The following KIF26B variants were observed in gnomAD, a reference collection of about 807,000 sequenced individuals.
KIF26B encodes the protein kinesin family member 26B.
In KIF26B, 63 loss-of-function variants were observed where a neutral mutation model predicts 151.2. The ratio of observed to expected loss-of-function variants is 0.42; its 90% confidence interval spans 0.34 to 0.51. KIF26B has a LOEUF of 0.51. KIF26B is among the 20% of genes least tolerant of loss of function. The pLI is 0.07. For missense variants in KIF26B, 2,813 were observed against 2,913.6 expected (o/e 0.97, Z 0.79); for synonymous variants, 1,357 against 1,262.1 (o/e 1.08, Z -1.59).
At chr1:245,332,464 A>G (rs1558392036) in intron 2 of KIF26B, among the ~76,000 whole-genome samples, 1 of 152,232 alleles carries the variant, frequency 6.6e-6, no homozygotes, top group African/African-American at 2.4e-5. Context: ...GAATGCCAGA[A>G]GTAAGCACTT....
intron 4 of KIF26B, among the ~76,000 whole-genome samples, chr1:245,454,333 A>G (rs1276103649): frequency 6.6e-6 from 1 of 152,140 alleles, no homozygotes; most frequent in Non-Finnish European, 1.5e-5. Context: ...TCTAGTTTCT[A>G]TGTCTGAGCA....
At chr1:245,164,942 C>T (rs376915928) in intron 2 of KIF26B, among the ~76,000 whole-genome samples, 1 of 151,878 alleles carries the variant, frequency 6.6e-6, no homozygotes, top group African/African-American at 2.4e-5. Flanking sequence ...GCGTGGTGGC[C>T]CACACCTGTA....
chr1:245,264,979 C>G (rs757298509), intron 2 of KIF26B, among the ~76,000 whole-genome samples: 107 of 151,560 alleles, frequency 7.1e-4, no homozygotes, highest in Non-Finnish European at 8.7e-4. Context: ...GCGGGCAGAT[C>G]ACAAGGTCAG....
chr1:245,236,212 G>A (rs528900439), intron 2 of KIF26B, among the ~76,000 whole-genome samples: 1 of 152,292 alleles, frequency 6.6e-6, no homozygotes, highest in East Asian at 1.9e-4. Flanking sequence ...ACAGGCGTGA[G>A]TGAGCCTCTG....
At chr1:245,574,391 G>A (rs770328833) in intron 5 of KIF26B, among the ~76,000 whole-genome samples, 7 of 152,134 alleles carry the variant, frequency 4.6e-5, no homozygotes, top group Admixed American at 2.0e-4. Flanking sequence ...TGGTCTGCCC[G>A]CCTCGACCTC....
chr1:245,499,961 G>A (rs1285798430), intron 4 of KIF26B, among the ~76,000 whole-genome samples: 2 of 152,228 alleles, frequency 1.3e-5, no homozygotes, highest in Non-Finnish European at 2.9e-5. Context: ...CTGAGTGGAA[G>A]CGTTTCCTTC....
intron 2 of KIF26B, among the ~76,000 whole-genome samples, chr1:245,288,604 C>T (rs1024307638): frequency 2.0e-5 from 3 of 152,120 alleles, no homozygotes; most frequent in Non-Finnish European, 2.9e-5. Flanking sequence ...GTAGGACTCC[C>T]GGAGAGACAG....
intron 4 of KIF26B, among the ~76,000 whole-genome samples, chr1:245,464,019 A>G (rs773133066): frequency 6.6e-6 from 1 of 152,094 alleles, no homozygotes; most frequent in Non-Finnish European, 1.5e-5. Flanking sequence ...CCTCTGGAAA[A>G]CGTGCACAGA....
intron 2 of KIF26B, among the ~76,000 whole-genome samples, chr1:245,311,680 C>T (rs1671668381): frequency 6.6e-6 from 1 of 152,136 alleles, no homozygotes; most frequent in Non-Finnish European, 1.5e-5. Context: ...TGCCTGTAAT[C>T]CCAGCACTTT....
At chr1:245,265,982 AC>A (rs1409123851) in intron 2 of KIF26B, among the ~76,000 whole-genome samples, 1 of 152,170 alleles carries the variant, frequency 6.6e-6, no homozygotes, top group Non-Finnish European at 1.5e-5. Context: ...ACTGTATTAA[AC>A]AAAGAATATC....
chr1:245,479,267 A>G (rs1040484833), intron 4 of KIF26B, among the ~76,000 whole-genome samples: 3 of 151,882 alleles, frequency 2.0e-5, no homozygotes, highest in African/African-American at 7.2e-5. Flanking sequence ...AATCTTTTCT[A>G]TTTATTGAGT....
intron 4 of KIF26B, among the ~76,000 whole-genome samples, chr1:245,476,497 C>CATTTATTTATTT (rs57100568): frequency 1.3e-3 from 192 of 142,730 alleles, no homozygotes; most frequent in African/African-American, 4.8e-3. Flanking sequence ...TTAAAAGACA[C>CATTTATTTATTT]ATTTATTTAT....
intron 4 of KIF26B, among the ~76,000 whole-genome samples, chr1:245,423,399 A>G (rs1288650329): frequency 6.6e-6 from 1 of 151,908 alleles, no homozygotes; most frequent in Non-Finnish European, 1.5e-5. Flanking sequence ...TGGGAAATCC[A>G]TCCTCGTTTC....
chr1:245,366,638 T>C (rs1672960711), intron 2 of KIF26B, among the ~76,000 whole-genome samples, 196 bp from the exon 3 acceptor site: 2 of 152,202 alleles, frequency 1.3e-5, no homozygotes, highest in South Asian at 2.1e-4. Flanking sequence ...ACTATAAAAT[T>C]CTTACATTTG....
chr1:245,590,333 C>T (rs2043274914), intron 5 of KIF26B, among the ~76,000 whole-genome samples: 1 of 152,304 alleles, frequency 6.6e-6, no homozygotes, highest in South Asian at 2.1e-4. Flanking sequence ...ACGGCCAACG[C>T]GGAAATGGGC....
intron 4 of KIF26B, among the ~76,000 whole-genome samples, chr1:245,446,448 G>T (rs923506133): frequency 9.2e-5 from 14 of 152,172 alleles, no homozygotes; most frequent in African/African-American, 3.1e-4. Context: ...AGTATAAGAA[G>T]CTGTGATTTG....
intron 9 of KIF26B, among the ~76,000 whole-genome samples, chr1:245,635,257 C>G (rs927735655): frequency 2.0e-5 from 3 of 152,028 alleles, no homozygotes; most frequent in African/African-American, 7.2e-5. Flanking sequence ...GTGCCTCCAT[C>G]TGGTCCTAGA....
chr1:245,215,022 G>A (rs1006046699), intron 2 of KIF26B, among the ~76,000 whole-genome samples: 3 of 152,060 alleles, frequency 2.0e-5, no homozygotes, highest in Admixed American at 2.0e-4. Context: ...CACGGAGAAC[G>A]GGTAGGATTA....
chr1:245,187,086 A>C (rs751482510), intron 2 of KIF26B, among the ~76,000 whole-genome samples: 2 of 152,064 alleles, frequency 1.3e-5, no homozygotes, highest in Non-Finnish European at 2.9e-5. Context: ...CGATCTCTTG[A>C]CCTCATGATC....
Sources: gnomAD v4.1 joint callset for allele counts (sites outside exome capture counted in the v4.1 genomes callset) on GRCh38, gnomAD v4.1.1 for gene constraint, MANE v1.5 for transcripts, NCBI Gene and HGNC (gene_info 2026-07-23, HGNC 2026-07-21) for gene names.